Variants in RABGEF1 observed in about 807,000 individuals in gnomAD.
RABGEF1 encodes the protein RAB guanine nucleotide exchange factor 1.
A neutral mutation model predicts 57.3 loss-of-function variants in RABGEF1; 26 were observed. That is an observed-to-expected ratio of 0.45 (90% confidence interval 0.33 to 0.63). The LOEUF (loss-of-function observed/expected upper bound fraction) is 0.63, where lower values mean the gene tolerates loss of function less well. Ranked by LOEUF, RABGEF1 falls within the 20% of genes least tolerant of loss-of-function variation. The pLI, the probability that RABGEF1 is intolerant of heterozygous loss-of-function variation, is 0.02. For missense variants in RABGEF1, 464 were observed against 607.6 expected (o/e 0.76, Z 2.48); for synonymous variants, 185 against 210.7 (o/e 0.88, Z 1.06).
At chr7:66,760,619 T>G (rs1349822602) in intron 1 of RABGEF1, among the ~76,000 whole-genome samples, 1 of 152,068 alleles carries the variant, frequency 6.6e-6, no homozygotes, top group Non-Finnish European at 1.5e-5. Context: ...AATTTTTGTA[T>G]TTTTAATAGA....
intron 3 of RABGEF1, 48 bp from the exon 4 acceptor site, chr7:66,783,627 A>G (rs762793656): frequency 5.5e-5 from 82 of 1,494,462 alleles, no homozygotes; most frequent in Middle Eastern, 1.8e-4. Flanking sequence ...AATTCCATGC[A>G]TGGATCTTTT....
chr7:66,743,075 C>T (rs1359919505), intron 1 of RABGEF1, among the ~76,000 whole-genome samples: 9 of 151,958 alleles, frequency 5.9e-5, no homozygotes, highest in African/African-American at 1.2e-4. Context: ...TTTGGGAGGC[C>T]GAGGCGGGCG....
rs1793943057 is a variant in RABGEF1, at chr7:66,705,583, A to G, written c.-872-6584A>G. Among the ~76,000 whole-genome samples the G allele has an allele frequency of 2.6e-5, 4 of 152,154 alleles. 1 individual carries two copies. The highest frequency in any genetic ancestry group is 9.7e-5 in the African/African-American group (4 of 41,412). ...TTCTATATATAGCTTTATGTCCTGC[A>G]ACCTTGCTATAATTGCTTCAATTAT... is the stretch of plus-strand genomic sequence containing the variant. On this transcript the variant is annotated intron_variant and NMD_transcript_variant, in intron 1 of 9. Coordinates refer to the RABGEF1 transcript ENST00000607882.
At chr7:66,739,232 G>A (rs1798433625), upstream of RABGEF1, among the ~76,000 whole-genome samples, 1 of 151,964 alleles carries the variant, frequency 6.6e-6, no homozygotes, top group Non-Finnish European at 1.5e-5. Context: ...TTACAGGCGT[G>A]AGCCACTGCG....
the RABGEF1 span, among the ~76,000 whole-genome samples, chr7:66,671,066 G>A: frequency 6.6e-6 from 1 of 151,944 alleles, no homozygotes; most frequent in Non-Finnish European, 1.5e-5. Context: ...ATCTTGCTGT[G>A]TTGCCCAGAC....
chr7:66,786,227 G>A (rs995244580), intron 4 of RABGEF1, among the ~76,000 whole-genome samples: 3 of 152,058 alleles, frequency 2.0e-5, no homozygotes, highest in African/African-American at 7.3e-5. Context: ...AATCTTTTCC[G>A]AACTGCATTA....
At chr7:66,756,922 G>T in intron 1 of RABGEF1, among the ~76,000 whole-genome samples, 1 of 152,126 alleles carries the variant, frequency 6.6e-6, no homozygotes, top group East Asian at 1.9e-4. Context: ...TTTTGAGTCA[G>T]TGTATCCTGT....
intron 2 of RABGEF1, among the ~76,000 whole-genome samples, chr7:66,719,006 A>G (rs1184446484): frequency 6.6e-6 from 1 of 152,236 alleles, no homozygotes; most frequent in Non-Finnish European, 1.5e-5. Context: ...ATAGAGAGAA[A>G]GACAGCAACA....
chr7:66,699,094 G>A (rs1792809218), intron 1 of RABGEF1, among the ~76,000 whole-genome samples: 1 of 152,204 alleles, frequency 6.6e-6, no homozygotes, highest in South Asian at 2.1e-4. Flanking sequence ...GGGAGGGTTG[G>A]CCTTGGTAAC....
intron 2 of RABGEF1, among the ~76,000 whole-genome samples, chr7:66,720,751 G>A (rs1269450399): frequency 4.6e-5 from 7 of 152,130 alleles, no homozygotes; most frequent in Admixed American, 6.6e-5. Flanking sequence ...AAAGGAGGAA[G>A]TAACACTGTT....
At chr7:66,691,456 A>G (rs1791504864) in intron 1 of RABGEF1, among the ~76,000 whole-genome samples, 1 of 152,208 alleles carries the variant, frequency 6.6e-6, no homozygotes, top group South Asian at 2.1e-4. Flanking sequence ...TATATGTAGA[A>G]TCATGAATGA....
At chr7:66,671,613 G>C in the RABGEF1 span, among the ~76,000 whole-genome samples, 2 of 152,116 alleles carry the variant, frequency 1.3e-5, no homozygotes, top group Non-Finnish European at 2.9e-5. Flanking sequence ...AAAAACCTCT[G>C]TTGTTCCTGT....
At chr7:66,763,931 G>A (rs1805072394) in intron 1 of RABGEF1, among the ~76,000 whole-genome samples, 1 of 152,150 alleles carries the variant, frequency 6.6e-6, no homozygotes, top group Non-Finnish European at 1.5e-5. Context: ...TATGGATAAT[G>A]CTGATATAAA....
intron 1 of RABGEF1, among the ~76,000 whole-genome samples, chr7:66,700,391 A>C (rs1793060792): frequency 6.6e-6 from 1 of 151,346 alleles, no homozygotes; most frequent in Non-Finnish European, 1.5e-5. Flanking sequence ...GAGTGACTAG[A>C]GGTCTCCCCG....
intron 1 of RABGEF1, among the ~76,000 whole-genome samples, chr7:66,761,925 C>A (rs1194939613): frequency 1.3e-5 from 2 of 151,938 alleles, no homozygotes; most frequent in Non-Finnish European, 2.9e-5. Flanking sequence ...GTGGCAGGCA[C>A]CTATAGTACC....
chr7:66,665,948 G>A, the RABGEF1 span, among the ~76,000 whole-genome samples: 2 of 152,252 alleles, frequency 1.3e-5, no homozygotes, highest in African/African-American at 2.4e-5. Flanking sequence ...TGGAGGTCAA[G>A]GAAGGCTTCT....
At chr7:66,678,263 A>G (rs373541364), upstream of RABGEF1, among the ~76,000 whole-genome samples, 17 of 152,032 alleles carry the variant, frequency 1.1e-4, no homozygotes, top group African/African-American at 3.6e-4. Flanking sequence ...ATTTGGGGAG[A>G]AGAGAAAAGG....
chr7:66,805,911 A>G (rs981229408), intron 8 of RABGEF1, among the ~76,000 whole-genome samples: 3 of 140,984 alleles, frequency 2.1e-5, no homozygotes, highest in Non-Finnish European at 3.1e-5. Flanking sequence ...CACCGGGCCA[A>G]TTTTTTTTTT....
At chr7:66,730,863 T>C (rs1797235992) in intron 2 of RABGEF1, among the ~76,000 whole-genome samples, 1 of 152,146 alleles carries the variant, frequency 6.6e-6, no homozygotes. Flanking sequence ...GGCCCAGCAC[T>C]TGGTTTCAAT....
Sources: gnomAD v4.1 joint callset for allele counts (sites outside exome capture counted in the v4.1 genomes callset) on GRCh38, gnomAD v4.1.1 for gene constraint, MANE v1.5 for transcripts, NCBI Gene and HGNC (gene_info 2026-07-23, HGNC 2026-07-21) for gene names.